LDLRAD4: variants seen among roughly 807,000 people sequenced by gnomAD.
LDLRAD4 encodes low density lipoprotein receptor class A domain containing 4.
A neutral mutation model predicts 17.0 loss-of-function variants in LDLRAD4; 5 were observed. The ratio of observed to expected loss-of-function variants is 0.29; its 90% CI spans 0.15 to 0.62. The LOEUF is 0.62. LDLRAD4 is among the 20% of genes least tolerant of loss of function. The pLI, the probability that LDLRAD4 is intolerant of heterozygous loss-of-function variation, is 0.84. For synonymous variants in LDLRAD4, 168 were observed against 171.8 expected, an observed-to-expected ratio of 0.98 and a Z score of 0.17; for missense variants, 340 against 424.7, an observed-to-expected ratio of 0.80 and a Z score of 1.75.
chr18:13,467,370 G>A (rs908412706), intron 3 of LDLRAD4, among the ~76,000 whole-genome samples: 11 of 152,144 alleles, frequency 7.2e-5, no homozygotes, highest in African/African-American at 2.7e-4. Context: ...ATCTGAAAAG[G>A]AAATTAACAA....
intron 1 of LDLRAD4, among the ~76,000 whole-genome samples, chr18:13,265,420 C>A (rs528554629): frequency 6.6e-6 from 1 of 152,232 alleles, no homozygotes; most frequent in Non-Finnish European, 1.5e-5. Flanking sequence ...AAGCCCTCCC[C>A]CTTCCCACTG....
Position 13,387,483 on chromosome 18 carries a change from G to T in LDLRAD4, c.-240G>T. 2.2e-6 allele frequency: 1 copy of T among 451,874 alleles called. No individual in the cohort carries two copies. The highest frequency in any genetic ancestry group is 3.9e-6 in the Non-Finnish European group (1 of 253,370). 28.0% of individuals were successfully genotyped at this position (451,874 alleles called of 1,614,324 possible). On this transcript the variant is annotated 5_prime_UTR_variant, in exon 2 of 6. An upstream start codon of the reference 5' UTR is lost. Transcript: ENST00000359446. ...GGGCCAGCCCCTCCACCCGCGCCAT[G>T]GCCTCCGCGCCCTGGCTGGACGGCT...
chr18:13,224,996 T>C (rs2041696797), intron 1 of LDLRAD4, among the ~76,000 whole-genome samples: 1 of 151,446 alleles, frequency 6.6e-6, no homozygotes, highest in Non-Finnish European at 1.5e-5. Context: ...CCACTACACC[T>C]AGCTATTTTA....
chr18:13,364,674 CA>C (rs2144713332), intron 1 of LDLRAD4, among the ~76,000 whole-genome samples: 2 of 152,214 alleles, frequency 1.3e-5, no homozygotes, highest in South Asian at 4.2e-4. Context: ...ATGGAGGGGC[CA>C]TGTCATGCAA....
chr18:13,289,991 C>A (rs927857936), intron 1 of LDLRAD4, among the ~76,000 whole-genome samples: 2 of 152,210 alleles, frequency 1.3e-5, no homozygotes, highest in Non-Finnish European at 1.5e-5. Context: ...CCTTCCCATA[C>A]CCTGTTGGGG....
intron 1 of LDLRAD4, among the ~76,000 whole-genome samples, chr18:13,271,704 G>A (rs1406383118): frequency 6.6e-6 from 1 of 152,150 alleles, no homozygotes; most frequent in South Asian, 2.1e-4. Flanking sequence ...CGCGCAGGAG[G>A]TGGGGCCTCT....
intron 1 of LDLRAD4, among the ~76,000 whole-genome samples, chr18:13,324,429 A>T (rs1292128196): frequency 2.0e-5 from 3 of 152,118 alleles, no homozygotes; most frequent in African/African-American, 4.8e-5. Flanking sequence ...GGCATGAGCC[A>T]CCGCGCCTGG....
At chr18:13,599,314 A>G (rs2095132438) in intron 3 of LDLRAD4, among the ~76,000 whole-genome samples, 2 of 152,118 alleles carry the variant, frequency 1.3e-5, no homozygotes, top group African/African-American at 4.8e-5. Context: ...TGGAAGTAAG[A>G]GATTTTAATA....
In LDLRAD4 at chr18:13,536,293, C is replaced by G. The variant is rs192692846; in HGVS notation, c.182-84824C>G. Among the ~76,000 whole-genome samples, 99 of 152,326 alleles carry G rather than the reference C, an allele frequency of 6.5e-4. 1 individual carries two copies. The highest frequency in any genetic ancestry group is 1.4e-3 in the Admixed American group (21 of 15,298). On this transcript the variant is annotated intron_variant, in intron 3 of 5. Coordinates refer to ENST00000359446, the Ensembl canonical transcript of LDLRAD4. ...TTAACATGGTATATCTCTCCATACA[C>G]TAAGGTCTTTGATTTTCCTTTTATA...
chr18:13,242,758 A>G (rs551649733), intron 1 of LDLRAD4, among the ~76,000 whole-genome samples: 1 of 152,372 alleles, frequency 6.6e-6, no homozygotes, highest in Non-Finnish European at 1.5e-5. Context: ...AATAGGGTAC[A>G]TTGTACCCAT....
chr18:13,460,899 A>C (rs979705813), intron 3 of LDLRAD4: 11 of 152,230 alleles, frequency 7.2e-5, no homozygotes, highest in Non-Finnish European at 1.5e-4. Flanking sequence ...GAATCAGCCC[A>C]CTGGGGTGTA....
chr18:13,584,688 A>G (rs944949633), intron 3 of LDLRAD4, among the ~76,000 whole-genome samples: 1 of 152,192 alleles, frequency 6.6e-6, no homozygotes, highest in African/African-American at 2.4e-5. Context: ...GCTTAATCCT[A>G]GGGTAAATTT....
intron 3 of LDLRAD4, chr18:13,521,451 C>A (rs973440081): frequency 1.3e-5 from 2 of 152,100 alleles, no homozygotes; most frequent in African/African-American, 2.4e-5. Flanking sequence ...GCAAAACAAA[C>A]CAGGAGAGTT....
At chr18:13,480,867 C>A (rs2146940172) in intron 3 of LDLRAD4, among the ~76,000 whole-genome samples, 1 of 152,354 alleles carries the variant, frequency 6.6e-6, no homozygotes, top group East Asian at 1.9e-4. Context: ...CTCACAGACA[C>A]CCATGACTCC....
intron 1 of LDLRAD4, among the ~76,000 whole-genome samples, chr18:13,356,070 C>T (rs539009026): frequency 5.8e-4 from 88 of 152,338 alleles, no homozygotes; most frequent in African/African-American, 2.0e-3. Context: ...AGCAAGTGAG[C>T]GGGCTCAGCC....
At chr18:13,493,306 AGTCT>A (rs1283729088) in intron 3 of LDLRAD4, among the ~76,000 whole-genome samples, 1 of 152,126 alleles carries the variant, frequency 6.6e-6, no homozygotes, top group Non-Finnish European at 1.5e-5. Flanking sequence ...TAGTCGAGTG[AGTCT>A]GTCTTTCTTT....
At chr18:13,311,026 G>A (rs2047204508) in intron 1 of LDLRAD4, among the ~76,000 whole-genome samples, 1 of 152,176 alleles carries the variant, frequency 6.6e-6, no homozygotes, top group African/African-American at 2.4e-5. Context: ...TGCAGAAAGT[G>A]ATACCTCCCT....
rs961558752 is a variant in LDLRAD4 at position 13,643,430 on chromosome 18, G to T, written c.390+18G>T. ...CCTCGGAGGTAAGGGGCCCCAGGAG[G>T]TGATGGCTGCGGGGGGCGGGGGGGG... is the stretch of plus-strand genomic sequence containing the variant. On this transcript the variant is annotated intron_variant, in intron 5 of 5. Transcript: ENST00000359446. 5 of 1,069,744 alleles carry T rather than the reference G, an allele frequency of 4.7e-6. No homozygotes were observed. Among genetic ancestry groups the T allele is most frequent in the Non-Finnish European group, 6.1e-6 (5 of 821,564 alleles). The allele number at this position is 1,069,744 out of a possible 1,614,324, so 66.3% of individuals were successfully genotyped here.
At chr18:13,589,722 A>G (rs1223477727) in intron 3 of LDLRAD4, among the ~76,000 whole-genome samples, 1 of 152,218 alleles carries the variant, frequency 6.6e-6, no homozygotes. Context: ...TGGTGAAGTC[A>G]GAAAGAAAGG....
Sources: allele counts gnomAD v4.1 joint callset (sites outside exome capture counted in the v4.1 genomes callset), GRCh38; gene constraint gnomAD v4.1.1; transcripts MANE v1.5; gene names NCBI Gene and HGNC (gene_info 2026-07-23, HGNC 2026-07-21).